The following HAUS5 variants were observed in gnomAD, a reference collection of about 807,000 sequenced individuals.
HAUS5 encodes HAUS augmin like complex subunit 5, also known as HAUS augmin-like complex subunit 5.
In HAUS5, 67 loss-of-function variants were observed where a neutral mutation model predicts 94.1. That is an observed-to-expected ratio of 0.71 (90% CI 0.58 to 0.87). The LOEUF (loss-of-function observed/expected upper bound fraction) is 0.87. Ranked by LOEUF, HAUS5 falls within the 40% of genes least tolerant of loss-of-function variation. HAUS5 has a pLI of 0.00. For synonymous variants in HAUS5, 339 were observed against 355.4 expected (o/e 0.95, Z 0.52); for missense variants, 739 against 825.6 (o/e 0.90, Z 1.29).
At chr19:35,620,713 C>T (rs1239898819) in intron 17 of HAUS5, among the ~76,000 whole-genome samples, 2 of 152,214 alleles carry the variant, frequency 1.3e-5, no homozygotes, top group Non-Finnish European at 2.9e-5. Context: ...GCCGTCTCTT[C>T]CTAGCTGTGT....
intron 4 of HAUS5, among the ~76,000 whole-genome samples, chr19:35,614,657 A>G (rs1433145879): frequency 6.6e-6 from 1 of 152,132 alleles, no homozygotes; most frequent in East Asian, 1.9e-4. Flanking sequence ...TGTGGCATCA[A>G]AGCTGGTGAG....
chr19:35,622,651 G>A lies in HAUS5; in HGVS notation c.1702G>A (p.Gly568Arg). 6.2e-7 allele frequency: 1 copy of A among 1,613,946 alleles called. No individual in the cohort carries two copies. The highest frequency in any genetic ancestry group is 8.5e-7 in the Non-Finnish European group (1 of 1,179,930). ...GGAAAAACAGCAGAAAGAGAACCTG[G>A]GGCAGGCTCTGAAGAGGCTGGAGAA... ...SQEKQQKENL[G>R]QALKRLEKLL... The change falls in exon 18 of 19, where the codon GGG becomes AGG. Residue 568 changes from glycine to arginine, a missense_variant. Gly to Arg is a moderately radical substitution (Grantham distance 125, BLOSUM62 -2). Transcript: ENST00000203166.
In HAUS5 at chr19:35,623,554, A is replaced by AG. The variant is rs1967254396; in HGVS notation, c.*566dup. 1 of 155,060 alleles carries AG rather than the reference A, an allele frequency of 6.4e-6. No homozygotes were observed. Among genetic ancestry groups the AG allele is most frequent in the South Asian group, 2.0e-4 (1 of 5,112 alleles). The allele number at this position is 155,060 out of a possible 1,614,324, so 9.6% of individuals were successfully genotyped here. A position where few individuals can be genotyped will look rare whatever the true frequency, so the allele number is the denominator to read the frequency against. The stretch of plus-strand genomic sequence containing the variant: ...GGATGTGCTGCAATAAGGGCCACTG[A>AG]GGGGGACAGTGTAGGTTGGGGGTGA... On this transcript the variant is annotated 3_prime_UTR_variant, in exon 19 of 19. Coordinates refer to ENST00000203166, the MANE Select transcript of HAUS5 (RefSeq NM_015302.2).
intron 17 of HAUS5, among the ~76,000 whole-genome samples, chr19:35,622,060 C>A (rs1209671649): frequency 2.0e-5 from 3 of 152,306 alleles, no homozygotes; most frequent in South Asian, 2.1e-4. Context: ...ATACTCTCTA[C>A]TGTGGGCCCT....
rs1217058170 is a variant in HAUS5 at position 35,620,316 on chromosome 19, T to G, written c.1640T>G (p.Leu547Arg). 3.7e-6 allele frequency: 6 copies of G among 1,612,610 alleles called. No individual in the cohort carries two copies. The East Asian group carries it at 1.3e-4, about 36-fold the overall frequency. The change falls in exon 17 of 19, where the codon CTT (leucine) becomes CGT (arginine). Residue 547 changes from leucine to arginine, a missense_variant. Leu to Arg is a moderately radical substitution (Grantham distance 102). Coordinates refer to ENST00000203166, the MANE Select transcript of HAUS5 (RefSeq NM_015302.2). Reference sequence around the variant, plus strand: ...ATGAAGACCAGCCTGCCGCCAGGCCTTCCCACCCAGGGTAGGTCTGCCCTG... The same window carrying G: ...ATGAAGACCAGCCTGCCGCCAGGCCGTCCCACCCAGGGTAGGTCTGCCCTG... ...LHMKTSLPPG[L>R]PTQELLQIQA...
In HAUS5 at chr19:35,622,916, T is replaced by C. The variant is rs201947205; in HGVS notation, c.1825T>C (p.Cys609Arg). 9.8e-5 allele frequency: 158 copies of C among 1,614,048 alleles called. No individual in the cohort carries two copies. In the African/African-American group the frequency reaches 2.0e-3, roughly 20 times the overall value. The part of the protein sequence containing the change: ...PGQAALSEEL[C>R]QGLSLPQWRL... ...CCAGGCCGCCCTCTCTGAGGAGCTC[T>C]GCCAGGGCCTGTCCCTGCCCCAGTG... Residue 609 changes from cysteine (C) to arginine (R), a missense_variant, in exon 19 of 19, where the codon TGC (cysteine) becomes CGC (arginine). By Grantham distance (180) the Cys-to-Arg change is radical (BLOSUM62 -3). Coordinates refer to ENST00000203166, the MANE Select transcript of HAUS5 (RefSeq NM_015302.2).
chr19:35,618,888 C>A lies in HAUS5; in HGVS notation c.1018C>A (p.Gln340Lys), dbSNP rs751266336. Reference protein sequence around the residue: ...ERRVLGSSERQVLILGLRRCC... With the variant: ...ERRVLGSSERKVLILGLRRCC... ...TGCTCTCCTCCACTTGCCCTGCAGG[C>A]AGGTGCTGATACTGGGGCTTCGGCG... is the stretch of plus-strand genomic sequence containing the variant. The change falls in exon 13 of 19, where the codon CAG becomes AAG. Residue 340 changes from glutamine (Q) to lysine (K), a missense_variant and splice_region_variant. Physicochemically the swap from Gln to Lys is moderately conservative, Grantham distance 53. Transcript: ENST00000203166. The A allele has an allele frequency of 2.5e-6, 4 of 1,601,832 alleles. No homozygotes were observed. The Admixed American group carries it at 7.0e-5, about 28-fold the overall frequency.
At chr19:35,616,384 A>C (rs1392096657) in intron 6 of HAUS5, among the ~76,000 whole-genome samples, 2 of 152,164 alleles carry the variant, frequency 1.3e-5, no homozygotes, top group Non-Finnish European at 2.9e-5. Context: ...TCAGATTCTA[A>C]GATCTGTGGA....
chr19:35,621,762 T>C (rs1967212528), intron 17 of HAUS5, among the ~76,000 whole-genome samples: 2 of 152,090 alleles, frequency 1.3e-5, no homozygotes, highest in South Asian at 4.1e-4. Flanking sequence ...CCCAGAGTTC[T>C]CCCATCGGTC....
chr19:35,613,220 C>T (rs2071910657), intron 1 of HAUS5, among the ~76,000 whole-genome samples: 1 of 152,160 alleles, frequency 6.6e-6, no homozygotes. Context: ...GGGATTGAAG[C>T]TGTAGGAGTG....
intron 14 of HAUS5, 30 bp from the exon 15 acceptor site, chr19:35,619,583 T>TGCC: frequency 6.4e-7 from 1 of 1,553,218 alleles, no homozygotes. Flanking sequence ...GATGTTGTGA[T>TGCC]GCCCCACCCA....
intron 15 of HAUS5, 86 bp from the exon 16 acceptor site, chr19:35,619,926 C>T: frequency 6.5e-7 from 1 of 1,547,424 alleles, no homozygotes; most frequent in African/African-American, 1.4e-5. Flanking sequence ...CCCAGACCCA[C>T]CTTGAAGTTC....
Position 35,622,034 on chromosome 19 carries a change from G to A in HAUS5, c.1652-567G>A, listed in dbSNP as rs529172548. Among the ~76,000 whole-genome samples the A allele has an allele frequency of 5.9e-5, 9 of 152,330 alleles. No homozygotes were observed. In the South Asian group the frequency reaches 1.9e-3, roughly 32 times the overall value. ...GCCTTGGAGCGAGAGTGTTGGAGGG[G>A]CCTCCAGGAGGAAAGATACTCTCTA... On this transcript the variant is annotated intron_variant, in intron 17 of 18. Transcript: ENST00000203166.
chr19:35,622,716 G>A lies in HAUS5; in HGVS notation c.1767G>A (p.Gln589=). ...KQALERIPEL[Q]GIVGDWWEQP... The stretch of plus-strand genomic sequence containing the variant: ...CACTGGAGCGAATCCCTGAGCTGCA[G>A]GGGATCGTGGGGGACTGGTGAGAGG... Residue 589 remains glutamine, a synonymous_variant, in exon 18 of 19, where the codon CAG becomes CAA. Coordinates refer to ENST00000203166, the MANE Select transcript of HAUS5 (RefSeq NM_015302.2). The A allele has an allele frequency of 6.2e-7, 1 of 1,614,166 alleles. No homozygotes were observed. The highest frequency in any genetic ancestry group is 8.5e-7 in the Non-Finnish European group (1 of 1,180,004).
At position 35,619,726 on chromosome 19, in the gene HAUS5, G is replaced by T; in HGVS notation, c.1374G>T (p.Leu458=). The T allele has an allele frequency of 3.2e-6, 5 of 1,565,706 alleles. No individual in the cohort carries two copies. The highest frequency in any genetic ancestry group is 2.3e-5 in the South Asian group (2 of 85,270). The change falls in exon 15 of 19, where the codon CTG becomes CTT. Residue 458 remains leucine (L), a synonymous_variant. Coordinates refer to ENST00000203166, the MANE Select transcript of HAUS5 (RefSeq NM_015302.2). ...AAGTCCGGCATTTGCCCCACATTCT[G>T]TTGGGCACGCTGCTGCGGCACAGGC... is the stretch of plus-strand genomic sequence containing the variant. ...EEEVRHLPHI[L]LGTLLRHRPG...
chr19:35,618,389 T>TGCCCCCC lies in HAUS5; in HGVS notation c.822-13_822-12insGCCCCCC. 1.2e-6 allele frequency: 2 copies of TGCCCCCC among 1,602,498 alleles called. No individual in the cohort carries two copies. The highest frequency in any genetic ancestry group is 1.7e-6 in the Non-Finnish European group (2 of 1,171,810). On this transcript the variant is annotated splice_polypyrimidine_tract_variant and intron_variant, in intron 10 of 18. Coordinates refer to ENST00000203166, the MANE Select transcript of HAUS5 (RefSeq NM_015302.2). ...GCAGCACGGCTCCCTCAGCAGCTCT[T>TGCCCCCC]CCCCCACCCCAGACCCCAGGCCCCG... is the stretch of plus-strand genomic sequence containing the variant.
chr19:35,620,070 A>G lies in HAUS5; in HGVS notation c.1465A>G (p.Arg489Gly). Residue 489 changes from arginine to glycine, a missense_variant, in exon 16 of 19, where the codon AGG becomes GGG. Arg to Gly is a moderately radical substitution (Grantham distance 125). Transcript: ENST00000203166. ...CCACCAGCTGCACCCCGCGTCCCCAAGGGGCTCCAGCTTCATAGCGCTGAG... is the reference window on the plus strand; with the variant it reads ...CCACCAGCTGCACCCCGCGTCCCCAGGGGGCTCCAGCTTCATAGCGCTGAG... ...SIHQLHPASPRGSSFIALSHK... is the reference protein window; with the variant it reads ...SIHQLHPASPGGSSFIALSHK... 2 of 1,613,684 alleles carry G rather than the reference A, an allele frequency of 1.2e-6. No homozygotes were observed. The highest frequency in any genetic ancestry group is 8.5e-7 in the Non-Finnish European group (1 of 1,179,888).
intron 17 of HAUS5, among the ~76,000 whole-genome samples, chr19:35,620,877 C>A (rs1599599197): frequency 6.6e-6 from 1 of 152,174 alleles, no homozygotes; most frequent in Non-Finnish European, 1.5e-5. Flanking sequence ...TGATTAGCAT[C>A]ATTGTCTGTG....
chr19:35,617,297 G>A lies in HAUS5; in HGVS notation c.566G>A (p.Arg189Gln), dbSNP rs202231807. Residue 189 changes from arginine to glutamine, a missense_variant, in exon 8 of 19, where the codon CGA (arginine) becomes CAA (glutamine). Transcript: ENST00000203166. ...GLEPVVLRDVRTACTLRAQFL... is the reference protein window; with the variant it reads ...GLEPVVLRDVQTACTLRAQFL... ...TCCTCTTCTCCCTAGCGTGATGTCC[G>A]AACAGCCTGCACCCTCCGGGCCCAG... 2.4e-5 allele frequency: 38 copies of A among 1,613,718 alleles called. No homozygotes were observed. In the East Asian group the frequency reaches 3.6e-4, roughly 15 times the overall value.
Sources: allele counts gnomAD v4.1 joint callset (sites outside exome capture counted in the v4.1 genomes callset), GRCh38; gene constraint gnomAD v4.1.1; transcripts MANE v1.5; gene names NCBI Gene and HGNC (gene_info 2026-07-23, HGNC 2026-07-21).